The following GRID2 variants were observed in gnomAD, a reference collection of about 807,000 sequenced individuals.
The protein encoded by GRID2 is glutamate ionotropic receptor delta type subunit 2, also known as glutamate receptor ionotropic, delta-2.
In GRID2, 33 loss-of-function variants were observed where a neutral mutation model predicts 114.8. The observed-to-expected ratio is 0.29, with a 90% confidence interval of 0.22 to 0.38. GRID2 has a LOEUF of 0.38. Ranked by LOEUF, GRID2 falls within the 10% of genes least tolerant of loss-of-function variation. The pLI is 1.00. For missense variants in GRID2, 1,184 were observed against 1,257.7 expected (o/e 0.94, Z 0.89); for synonymous variants, 505 against 449.9 (o/e 1.12, Z -1.55).
At chr4:92,317,018 C>T (rs1039450962) in intron 1 of GRID2, among the ~76,000 whole-genome samples, 2 of 151,896 alleles carry the variant, frequency 1.3e-5, no homozygotes, top group Admixed American at 6.6e-5. Flanking sequence ...AAGGAGGAGG[C>T]GTTAAGATGT....
chr4:92,440,872 A>G (rs932501405), intron 1 of GRID2, among the ~76,000 whole-genome samples: 1 of 152,118 alleles, frequency 6.6e-6, no homozygotes, highest in Non-Finnish European at 1.5e-5. Context: ...GAACAACGGT[A>G]ATTGTGGGAG....
At chr4:93,645,400 T>C (rs1722018561) in intron 14 of GRID2, among the ~76,000 whole-genome samples, 1 of 151,904 alleles carries the variant, frequency 6.6e-6, no homozygotes, top group Non-Finnish European at 1.5e-5. Flanking sequence ...AATGACAAAG[T>C]AGGGTGGGAA....
chr4:93,338,377 G>A (rs1229672553), intron 8 of GRID2, among the ~76,000 whole-genome samples: 1 of 152,052 alleles, frequency 6.6e-6, no homozygotes, highest in Non-Finnish European at 1.5e-5. Flanking sequence ...ATTACAAGTC[G>A]CCAATTTGCC....
intron 1 of GRID2, among the ~76,000 whole-genome samples, chr4:92,423,356 TTATTTTC>T (rs1731998088): frequency 2.6e-5 from 4 of 152,208 alleles, no homozygotes; most frequent in Admixed American, 2.6e-4. Context: ...AGGAGATAAA[TTATTTTC>T]TATTAGAAGT....
At chr4:92,452,866 T>TA (rs1491169436) in intron 1 of GRID2, among the ~76,000 whole-genome samples, 2 of 144,484 alleles carry the variant, frequency 1.4e-5, no homozygotes, top group South Asian at 2.1e-4. Flanking sequence ...ACCATATATA[T>TA]TTTTTTACCA....
chr4:93,008,747 G>T (rs775391056), intron 2 of GRID2, among the ~76,000 whole-genome samples: 1 of 152,148 alleles, frequency 6.6e-6, no homozygotes, highest in Admixed American at 6.6e-5. Context: ...GCCATAGATA[G>T]CTGTTTTTCA....
Position 93,085,165 on chromosome 4 carries a change from AATG to A in GRID2, c.420_422del (p.Asp141del). 3 of 1,614,022 alleles carry A rather than the reference AATG, an allele frequency of 1.9e-6. No homozygotes were observed. Among genetic ancestry groups the A allele is most frequent in the Non-Finnish European group, 2.5e-6 (3 of 1,179,976 alleles). On this transcript the variant is annotated inframe_deletion, in exon 3 of 16. Transcript: ENST00000282020. ...CTGTGGACTCACCCGGAGCAACAGG[AATG>A]ATGACTACACTCTCTCAGTTCGCCC... is the stretch of plus-strand genomic sequence containing the variant.
At chr4:93,758,532 A>G (rs531633065) in intron 14 of GRID2, among the ~76,000 whole-genome samples, 1 of 152,286 alleles carries the variant, frequency 6.6e-6, no homozygotes, top group Non-Finnish European at 1.5e-5. Flanking sequence ...GAAGTTTAGA[A>G]TTTGTGCAAA....
chr4:92,350,358 G>T (rs2110181751), intron 1 of GRID2, among the ~76,000 whole-genome samples: 1 of 151,760 alleles, frequency 6.6e-6, no homozygotes, highest in Admixed American at 6.6e-5. Context: ...CTTGATATCA[G>T]TCTTTCTGGA....
At chr4:92,570,644 T>C (rs182344832) in intron 1 of GRID2, among the ~76,000 whole-genome samples, 38 of 152,186 alleles carry the variant, frequency 2.5e-4, no homozygotes, top group African/African-American at 8.7e-4. Flanking sequence ...CAGTGGTTTA[T>C]AGTTTTTCTT....
At chr4:92,680,521 G>C (rs1733601381) in intron 2 of GRID2, among the ~76,000 whole-genome samples, 1 of 152,078 alleles carries the variant, frequency 6.6e-6, no homozygotes, top group Admixed American at 6.6e-5. Context: ...TAAAAGAAAG[G>C]GGGTAATTTT....
At chr4:93,331,716 A>T (rs556918022) in intron 8 of GRID2, among the ~76,000 whole-genome samples, 4 of 152,272 alleles carry the variant, frequency 2.6e-5, no homozygotes, top group Admixed American at 2.6e-4. Context: ...AGTGTGCAGG[A>T]ACTAGAGTCA....
At position 92,946,980 on chromosome 4, in the gene GRID2, A is replaced by T. The variant is rs950349866; in HGVS notation, c.245-138015A>T. Among the ~76,000 whole-genome samples the T allele has an allele frequency of 5.3e-5, 8 of 152,192 alleles. No homozygotes were observed. In the South Asian group the frequency reaches 1.5e-3, roughly 28 times the overall value. On this transcript the variant is annotated intron_variant, in intron 2 of 15. Transcript: ENST00000282020. Reference sequence around the variant, plus strand: ...AACTCACATGTCCTTACTCTGAAAGATGGAAAGATTTATAGAAAGTCCAAA... The same window carrying T: ...AACTCACATGTCCTTACTCTGAAAGTTGGAAAGATTTATAGAAAGTCCAAA...
chr4:93,031,570 T>A (rs1184875819), intron 2 of GRID2, among the ~76,000 whole-genome samples: 1 of 152,064 alleles, frequency 6.6e-6, no homozygotes, highest in Non-Finnish European at 1.5e-5. Context: ...TGGGTCTTTC[T>A]CTTCCTGTTC....
intron 2 of GRID2, among the ~76,000 whole-genome samples, chr4:92,800,899 C>T (rs1017936728): frequency 1.3e-5 from 2 of 152,008 alleles, no homozygotes; most frequent in Admixed American, 6.6e-5. Context: ...ATACTGGTCC[C>T]ACTTTTTATT....
chr4:92,424,642 A>G (rs1235586127), intron 1 of GRID2, among the ~76,000 whole-genome samples: 1 of 151,926 alleles, frequency 6.6e-6, no homozygotes, highest in African/African-American at 2.4e-5. Flanking sequence ...TGTAATGAAT[A>G]TGAGAAATAA....
chr4:92,491,918 T>C (rs1341959689), intron 1 of GRID2, among the ~76,000 whole-genome samples: 1 of 152,134 alleles, frequency 6.6e-6, no homozygotes, highest in Admixed American at 6.6e-5. Context: ...CAGTAATGCC[T>C]TTTCCAAACT....
At chr4:92,382,209 G>A (rs1450732957) in intron 1 of GRID2, among the ~76,000 whole-genome samples, 1 of 151,424 alleles carries the variant, frequency 6.6e-6, no homozygotes, top group Non-Finnish European at 1.5e-5. Context: ...TTCTCTTAAG[G>A]TGGTAGAAAA....
In GRID2 at chr4:93,423,082, T is replaced by C; in HGVS notation, c.1545+114T>C. The C allele has an allele frequency of 4.1e-6, 3 of 723,562 alleles. No homozygotes were observed. In the Admixed American group the frequency reaches 7.6e-5, roughly 18 times the overall value. 44.8% of individuals were successfully genotyped at this position (723,562 alleles called of 1,614,324 possible). On this transcript the variant is annotated intron_variant, in intron 10 of 15. Coordinates refer to ENST00000282020, the MANE Select transcript of GRID2 (RefSeq NM_001510.4). ...GATTTCATATAAAATAAGTGTGATG[T>C]ATTTAGGTTGGTTAAGCATTAGGTG...
Sources: allele counts gnomAD v4.1 joint callset (sites outside exome capture counted in the v4.1 genomes callset), GRCh38; gene constraint gnomAD v4.1.1; transcripts MANE v1.5; gene names NCBI Gene and HGNC (gene_info 2026-07-23, HGNC 2026-07-21).